The following SPSB1 variants were observed in gnomAD, a reference collection of about 807,000 sequenced individuals.
The protein encoded by SPSB1 is splA/ryanodine receptor domain and SOCS box containing 1.
SPSB1 carries 8 observed loss-of-function variants against 21.2 expected under a neutral mutation model. That is an observed-to-expected ratio of 0.38 (90% CI 0.22 to 0.68). The LOEUF (loss-of-function observed/expected upper bound fraction) is 0.68, where lower values mean the gene tolerates loss of function less well. Ranked by LOEUF, SPSB1 falls within the 30% of genes least tolerant of loss-of-function variation. SPSB1 has a pLI of 0.53. For missense variants in SPSB1, 242 were observed against 377.8 expected (o/e 0.64, Z 2.98); for synonymous variants, 169 against 161.7 (o/e 1.05, Z -0.34).
intron 1 of SPSB1, among the ~76,000 whole-genome samples, chr1:9,302,970 A>C (rs1303648670): frequency 6.6e-6 from 1 of 152,100 alleles, no homozygotes; most frequent in African/African-American, 2.4e-5. Flanking sequence ...GGTTCCAGAG[A>C]GAGGAATGCT....
intron 2 of SPSB1, among the ~76,000 whole-genome samples, chr1:9,365,556 C>T (rs761993029): frequency 6.8e-6 from 1 of 146,746 alleles, no homozygotes; most frequent in East Asian, 2.1e-4. Context: ...AATTCAGTGG[C>T]CTCTTGCGTG....
At chr1:9,358,022 G>C (rs138497370) in intron 2 of SPSB1, among the ~76,000 whole-genome samples, 3,933 of 152,258 alleles carry the variant, frequency 0.026, 67 homozygotes, top group Non-Finnish European at 0.038. Context: ...AGAGGCAGAG[G>C]GGGGTGAGGC....
intron 1 of SPSB1, among the ~76,000 whole-genome samples, chr1:9,323,330 C>T (rs572791759): frequency 1.8e-3 from 263 of 150,148 alleles, no homozygotes; most frequent in Middle Eastern, 6.8e-3. Flanking sequence ...CTTGGCGGGG[C>T]GCTCAGCAGT....
At chr1:9,362,147 G>A (rs1217631894) in intron 2 of SPSB1, among the ~76,000 whole-genome samples, 4 of 152,136 alleles carry the variant, frequency 2.6e-5, no homozygotes, top group African/African-American at 7.2e-5. Flanking sequence ...GCTACTCATC[G>A]GGAGACTGAT....
chr1:9,316,557 G>A (rs149411878), intron 1 of SPSB1, among the ~76,000 whole-genome samples: 2 of 151,654 alleles, frequency 1.3e-5, no homozygotes, highest in African/African-American at 2.4e-5. Flanking sequence ...ATGGCGAGGA[G>A]GGGGGGGCTG....
intron 1 of SPSB1, among the ~76,000 whole-genome samples, chr1:9,300,847 T>A (rs1197629076): frequency 2.0e-5 from 3 of 152,202 alleles, no homozygotes; most frequent in Non-Finnish European, 1.5e-5. Context: ...CCAGCCTGTA[T>A]CTATGGTCTC....
intron 2 of SPSB1, among the ~76,000 whole-genome samples, chr1:9,361,168 T>C (rs1484952580): frequency 1.4e-5 from 2 of 141,972 alleles, no homozygotes; most frequent in African/African-American, 2.7e-5. Flanking sequence ...TTTTTTTTTT[T>C]TTTTTTTTTT....
At chr1:9,338,493 C>T (rs1283293693) in intron 1 of SPSB1, among the ~76,000 whole-genome samples, 1 of 152,252 alleles carries the variant, frequency 6.6e-6, no homozygotes, top group Non-Finnish European at 1.5e-5. Context: ...GGACAGGGGG[C>T]ACAGCCAGAT....
In SPSB1 at chr1:9,321,359, AG is replaced by A. The variant is rs1306524635; in HGVS notation, c.-150+28293del. ...GTGGAGCTCTAGACAGCCCGATGGC[AG>A]GGGGTGGGCTCCGAGCTCCAGGGCC... On this transcript the variant is annotated intron_variant, in intron 1 of 2. Transcript: ENST00000328089. This position sits in a 1 kb window ranked among gnomAD's most constrained non-coding sequence, Gnocchi z 4.8. Among the ~76,000 whole-genome samples, 2 of 152,112 alleles carry A rather than the reference AG, an allele frequency of 1.3e-5. No individual in the cohort carries two copies. Among genetic ancestry groups the A allele is most frequent in the Non-Finnish European group, 2.9e-5 (2 of 68,006 alleles).
intron 2 of SPSB1, among the ~76,000 whole-genome samples, chr1:9,359,579 G>A (rs1284945223): frequency 6.6e-6 from 1 of 151,988 alleles, no homozygotes; most frequent in African/African-American, 2.4e-5. Context: ...GCATGCACCT[G>A]TAATCCCAGC....
chr1:9,324,255 G>C lies in SPSB1; in HGVS notation c.-150+31184G>C, dbSNP rs955657988. Among the ~76,000 whole-genome samples, 2 of 152,186 alleles carry C rather than the reference G, an allele frequency of 1.3e-5. No homozygotes were observed. Among genetic ancestry groups the C allele is most frequent in the Non-Finnish European group, 2.9e-5 (2 of 68,052 alleles). On this transcript the variant is annotated intron_variant, in intron 1 of 2. Coordinates refer to ENST00000328089, the MANE Select transcript of SPSB1 (RefSeq NM_025106.4). The surrounding 1 kb of genome is among the most constrained non-coding windows in gnomAD (Gnocchi z 4.3). ...GGAGGGACTTTGTCTTTACTACCACGTGGAGCCGGCACATAGTGGGACTCA... is the reference window on the plus strand; with the variant it reads ...GGAGGGACTTTGTCTTTACTACCACCTGGAGCCGGCACATAGTGGGACTCA...
At chr1:9,338,902 C>T (rs1291475564) in intron 1 of SPSB1, among the ~76,000 whole-genome samples, 1 of 152,210 alleles carries the variant, frequency 6.6e-6, no homozygotes, top group Non-Finnish European at 1.5e-5. Context: ...AGAACAGGAG[C>T]GTGGACACCC....
At chr1:9,361,183 T>G (rs1313346451) in intron 2 of SPSB1, among the ~76,000 whole-genome samples, 1 of 100,440 alleles carries the variant, frequency 1.0e-5, no homozygotes, top group Admixed American at 1.1e-4. Context: ...TTTTTTTTTT[T>G]AGAGATGGGG....
At chr1:9,361,630 C>T (rs1640479962) in intron 2 of SPSB1, among the ~76,000 whole-genome samples, 2 of 152,244 alleles carry the variant, frequency 1.3e-5, no homozygotes, top group South Asian at 4.1e-4. Flanking sequence ...TTTCCCTGTG[C>T]GGCCTCCCCA....
Position 9,316,982 on chromosome 1 carries a change from A to G in SPSB1, c.-150+23911A>G, listed in dbSNP as rs116031543. Among the ~76,000 whole-genome samples the G allele has an allele frequency of 4.8e-3, 737 of 152,340 alleles. 10 individuals carry two copies. The highest frequency in any genetic ancestry group is 0.017 in the African/African-American group (708 of 41,568). On this transcript the variant is annotated intron_variant, in intron 1 of 2. Coordinates refer to ENST00000328089, the MANE Select transcript of SPSB1 (RefSeq NM_025106.4). ...AGATCCCAGGCCCCGTAGCAGGGCC[A>G]GGCCTCACCTTGGATGCACCTTCCT...
At position 9,332,803 on chromosome 1, in the gene SPSB1, C is replaced by T. The variant is rs190898329; in HGVS notation, c.-149-22940C>T. 4.7e-4 allele frequency among the ~76,000 whole-genome samples: 71 copies of T among 152,264 alleles called. No homozygotes were observed. In the Middle Eastern group the frequency reaches 0.01, roughly 22 times the overall value. ...TGTTTTTTGGGCCCGTTCAATTTAT[C>T]GATTAGGAGGTCATGATCTTGGAAG... On this transcript the variant is annotated intron_variant, in intron 1 of 2. Coordinates refer to ENST00000328089, the MANE Select transcript of SPSB1 (RefSeq NM_025106.4).
intron 1 of SPSB1, among the ~76,000 whole-genome samples, chr1:9,299,494 T>A (rs1300824807): frequency 6.6e-6 from 1 of 152,016 alleles, no homozygotes; most frequent in Non-Finnish European, 1.5e-5. Context: ...CTCTCTTTTT[T>A]TGAGATGGAT....
At chr1:9,334,773 C>G (rs1326092758) in intron 1 of SPSB1, among the ~76,000 whole-genome samples, 2 of 152,192 alleles carry the variant, frequency 1.3e-5, no homozygotes, top group African/African-American at 2.4e-5. Context: ...GTCTTAGGTA[C>G]CTCATGTAAG....
intron 1 of SPSB1, among the ~76,000 whole-genome samples, chr1:9,332,682 G>C (rs766915208): frequency 2.6e-5 from 4 of 152,234 alleles, no homozygotes; most frequent in African/African-American, 2.4e-5. Flanking sequence ...CAGAACCTTA[G>C]AGAGTGAGTC....
Sources: allele counts gnomAD v4.1 joint callset (sites outside exome capture counted in the v4.1 genomes callset), GRCh38; gene constraint gnomAD v4.1.1; non-coding constraint Gnocchi (gnomAD v3.1); transcripts MANE v1.5; gene names NCBI Gene and HGNC (gene_info 2026-07-23, HGNC 2026-07-21).